The following TEPSIN variants were observed in gnomAD, a reference collection of about 807,000 sequenced individuals.
TEPSIN encodes the protein TEPSIN adaptor related protein complex 4 accessory protein, also known as AP-4 complex accessory subunit tepsin.
Under a neutral mutation model 48.5 loss-of-function variants are expected in TEPSIN, and 50 were observed. That is an observed-to-expected ratio of 1.03 (90% CI 0.82 to 1.31). TEPSIN has a LOEUF of 1.31. TEPSIN is among the 50% of genes most tolerant of loss of function. TEPSIN has a pLI of 0.00. For synonymous variants in TEPSIN, 392 were observed against 358.8 expected (o/e 1.09, Z -1.05); for missense variants, 838 against 815.9 (o/e 1.03, Z -0.33).
Position 81,231,352 on chromosome 17 carries a change from G to C in TEPSIN, c.1098+46C>G, listed in dbSNP as rs112298802. 4.0e-6 allele frequency: 6 copies of C among 1,482,544 alleles called. No homozygotes were observed. In the African/African-American group the frequency reaches 6.1e-5, roughly 15 times the overall value. 91.8% of individuals were successfully genotyped at this position (1,482,544 alleles called of 1,614,324 possible). A position where few individuals can be genotyped will look rare whatever the true frequency, so the allele number is the denominator to read the frequency against. On this transcript the variant is annotated intron_variant, in intron 11 of 12. Transcript: ENST00000637944. ...ACGCACACGCACACACACGCACACA[G>C]GCACATGCACACAGTCACGCCCTCC...
At chr17:81,236,850 C>T (rs1347648541) in intron 3 of TEPSIN, 49 bp from the exon 4 acceptor site, 8 of 1,545,516 alleles carry the variant, frequency 5.2e-6, no homozygotes, top group African/African-American at 1.4e-5. Context: ...ACACGGGACA[C>T]CCAGGGCAGG....
chr17:81,230,619 G>A lies in TEPSIN; in HGVS notation c.1158C>T (p.Ile386=), dbSNP rs756061786. 19 of 1,605,122 alleles carry A rather than the reference G, an allele frequency of 1.2e-5. No homozygotes were observed. In the South Asian group the frequency reaches 2.0e-4, roughly 17 times the overall value. Residue 386 remains isoleucine, a synonymous_variant, in exon 12 of 13, where the codon ATC becomes ATT. Coordinates refer to ENST00000637944, the MANE Select transcript of TEPSIN (RefSeq NM_001363764.2). The surrounding 1 kb of genome is among the most constrained non-coding windows in gnomAD (Gnocchi z 4.2). ...GSSDLLPQEH[I]LLRTRPWLQE... ...GCAGCCACGGCCGGGTGCGGAGGAGGATGTGCTCCTGGGGGAGGAGGTCGC... is the reference window on the plus strand; with the variant it reads ...GCAGCCACGGCCGGGTGCGGAGGAGAATGTGCTCCTGGGGGAGGAGGTCGC...
Position 81,234,199 on chromosome 17 carries a change from C to T in TEPSIN, c.308-151G>A. 1 of 590,214 alleles carries T rather than the reference C, an allele frequency of 1.7e-6. No individual in the cohort carries two copies. The highest frequency in any genetic ancestry group is 2.9e-6 in the Non-Finnish European group (1 of 345,650). 36.6% of individuals were successfully genotyped at this position (590,214 alleles called of 1,614,324 possible). A position where few individuals can be genotyped will look rare whatever the true frequency, so the allele number is the denominator to read the frequency against. On this transcript the variant is annotated intron_variant, in intron 4 of 12. Coordinates refer to ENST00000637944, the MANE Select transcript of TEPSIN (RefSeq NM_001363764.2). The surrounding 1 kb of genome is among the most constrained non-coding windows in gnomAD (Gnocchi z 5.4). ...CCAATGGGATGCCCTCCTCCAGGACCCTGCAGAGGCCACACCTGAGCAGAC... is the reference window on the plus strand; with the variant it reads ...CCAATGGGATGCCCTCCTCCAGGACTCTGCAGAGGCCACACCTGAGCAGAC...
At position 81,239,000 on chromosome 17, in the gene TEPSIN, T is replaced by G. The variant is rs563141884; in HGVS notation, c.34A>C (p.Ser12Arg). 1.3e-6 allele frequency: 2 copies of G among 1,486,974 alleles called. No homozygotes were observed. The highest frequency in any genetic ancestry group is 1.3e-5 in the South Asian group (1 of 78,398). The allele number at this position is 1,486,974 out of a possible 1,614,324, so 92.1% of individuals were successfully genotyped here. ...AAAPPLRDRL[S>R]FLHRLPILLK... The stretch of plus-strand genomic sequence containing the variant: ...CCCTCACTCACCCGGTGTAGAAAGC[T>G]CAGGCGGTCCCGTAGCGGCGGCGCG... The change falls in exon 1 of 13, where the codon AGC (serine) becomes CGC (arginine). Residue 12 changes from serine (S) to arginine (R), a missense_variant. By Grantham distance (110) the Ser-to-Arg change is moderately radical (BLOSUM62 -1). Transcript: ENST00000637944.
chr17:81,237,110 G>A, intron 2 of TEPSIN, 39 bp from the exon 3 acceptor site: 1 of 1,544,074 alleles, frequency 6.5e-7, no homozygotes, highest in Non-Finnish European at 8.8e-7. Flanking sequence ...GAGATGATGA[G>A]GGCTGCGCCA....
intron 1 of TEPSIN, chr17:81,237,993 C>T (rs921749411): frequency 2.0e-6 from 2 of 997,272 alleles, no homozygotes; most frequent in Admixed American, 5.2e-5. Flanking sequence ...TTGTTTCATG[C>T]TTACTTACTG....
At chr17:81,232,792 G>GGGGCTT in intron 7 of TEPSIN, 1 of 442,582 alleles carries the variant, frequency 2.3e-6, no homozygotes, top group Non-Finnish European at 4.0e-6. Context: ...GGTGTCCTAA[G>GGGGCTT]GGGCTTGGGC....
chr17:81,237,929 C>T (rs1388093795), intron 1 of TEPSIN: 1 of 992,110 alleles, frequency 1.0e-6, no homozygotes, highest in Non-Finnish European at 1.2e-6. Flanking sequence ...CATCGCTCCC[C>T]GAGAACCGAC....
rs1173230734 is a variant in TEPSIN at position 81,230,440 on chromosome 17, G to A, written c.1233+104C>T. ...AGGGACTTGAGAGGGGGTCCGGGAA[G>A]GGCTGACCAGGCGCCGGGCAGGGAC... On this transcript the variant is annotated intron_variant, in intron 12 of 12. Transcript: ENST00000637944. This position sits in a 1 kb window ranked among gnomAD's most constrained non-coding sequence, Gnocchi z 4.2. 2.0e-6 allele frequency: 3 copies of A among 1,502,252 alleles called. No homozygotes were observed. The highest frequency in any genetic ancestry group is 2.7e-6 in the Non-Finnish European group (3 of 1,115,936). The allele number at this position is 1,502,252 out of a possible 1,614,324, so 93.1% of individuals were successfully genotyped here.
At position 81,237,073 on chromosome 17, in the gene TEPSIN, T is replaced by C. The variant is rs1187051021; in HGVS notation, c.122-2A>G. 6.3e-7 allele frequency: 1 copy of C among 1,585,116 alleles called. No homozygotes were observed. The highest frequency in any genetic ancestry group is 8.6e-7 in the Non-Finnish European group (1 of 1,165,594). ...TGCCCGGAGACTCGTGGGAGATTTCTGCGGCACGCTCGGGTTAGGGAAGGG... is the reference window on the plus strand; with the variant it reads ...TGCCCGGAGACTCGTGGGAGATTTCCGCGGCACGCTCGGGTTAGGGAAGGG... On this transcript the variant is annotated splice_acceptor_variant, in intron 2 of 12. Coordinates refer to ENST00000637944, the MANE Select transcript of TEPSIN (RefSeq NM_001363764.2). LOFTEE classifies it high-confidence loss of function.
Position 81,231,838 on chromosome 17 carries a change from C to T in TEPSIN, c.905+9G>A, listed in dbSNP as rs1014863082. The T allele has an allele frequency of 2.5e-6, 4 of 1,612,536 alleles. No individual in the cohort carries two copies. The highest frequency in any genetic ancestry group is 1.7e-5 in the Admixed American group (1 of 60,014). ...GACCTCTCCCACATATCTGGCAGCT[C>T]CCGCTCACCTTTCTGCCAGGTCACC... On this transcript the variant is annotated intron_variant, in intron 9 of 12. Coordinates refer to ENST00000637944, the MANE Select transcript of TEPSIN (RefSeq NM_001363764.2).
chr17:81,232,821 G>C (rs1169214211), intron 7 of TEPSIN: 4 of 382,844 alleles, frequency 1.0e-5, no homozygotes, highest in African/African-American at 6.2e-5. Context: ...GGCTCAGGGA[G>C]GGTGTGTCCA....
chr17:81,233,725 G>T lies in TEPSIN; in HGVS notation c.376-9C>A, dbSNP rs1353213825. On this transcript the variant is annotated splice_polypyrimidine_tract_variant and intron_variant, in intron 5 of 12. Coordinates refer to ENST00000637944, the MANE Select transcript of TEPSIN (RefSeq NM_001363764.2). The surrounding 1 kb of genome is among the most constrained non-coding windows in gnomAD (Gnocchi z 5.8). ...AGGGTGCTCCCCAAGTCCTACAGGG[G>T]GAGGCGAAGGCCCTCAGTGTCCTCA... 4 of 1,588,646 alleles carry T rather than the reference G, an allele frequency of 2.5e-6. No homozygotes were observed. In the South Asian group the frequency reaches 4.6e-5, roughly 18 times the overall value.
rs2062769506 is a variant in TEPSIN at position 81,238,639 on chromosome 17, G to C, written c.48+347C>G. ...GGACGGCGGGCTGCCAGCCCACCTG[G>C]GCGCCAGCAGCACGGACACAGCGGC... On this transcript the variant is annotated intron_variant, in intron 1 of 12. Coordinates refer to ENST00000637944, the MANE Select transcript of TEPSIN (RefSeq NM_001363764.2). The C allele has an allele frequency of 2.6e-6, 3 of 1,146,518 alleles. No homozygotes were observed. In the East Asian group the frequency reaches 1.3e-4, roughly 50 times the overall value. 71.0% of individuals were successfully genotyped at this position (1,146,518 alleles called of 1,614,324 possible).
At position 81,230,836 on chromosome 17, in the gene TEPSIN, CT is replaced by C; in HGVS notation, c.1099-159del. 1 of 946,990 alleles carries C rather than the reference CT, an allele frequency of 1.1e-6. No individual in the cohort carries two copies. 58.7% of individuals were successfully genotyped at this position (946,990 alleles called of 1,614,324 possible). A position where few individuals can be genotyped will look rare whatever the true frequency, so the allele number is the denominator to read the frequency against. Reference sequence around the variant, plus strand: ...TCCACCACAGCCCTGTCCTCACCGCCTTACACCCCGGATCCCAGACACCACA... The same window carrying C: ...TCCACCACAGCCCTGTCCTCACCGCCTACACCCCGGATCCCAGACACCACA... On this transcript the variant is annotated intron_variant, in intron 11 of 12. Coordinates refer to ENST00000637944, the MANE Select transcript of TEPSIN (RefSeq NM_001363764.2). The surrounding 1 kb of genome is among the most constrained non-coding windows in gnomAD (Gnocchi z 4.2).
intron 11 of TEPSIN, 176 bp downstream of exon 11, chr17:81,231,222 C>T (rs988658529): frequency 1.0e-4 from 67 of 652,564 alleles, no homozygotes; most frequent in Non-Finnish European, 2.1e-5. Context: ...GGCATACATA[C>T]ACAGGCATAC....
chr17:81,233,428 T>A lies in TEPSIN; in HGVS notation c.526+4A>T, dbSNP rs2062659450. 6.2e-7 allele frequency: 1 copy of A among 1,609,938 alleles called. No homozygotes were observed. Among genetic ancestry groups the A allele is most frequent in the Non-Finnish European group, 8.5e-7 (1 of 1,179,372 alleles). On this transcript the variant is annotated splice_donor_region_variant and intron_variant, in intron 7 of 12. Transcript: ENST00000637944. The surrounding 1 kb of genome is among the most constrained non-coding windows in gnomAD (Gnocchi z 5.8). The stretch of plus-strand genomic sequence containing the variant: ...CAGAGCCCATGCAGGCCCTCCCCAC[T>A]CACCCGTGCGGCCGTGTTCCTTGCT...
rs2062670629 is a variant in TEPSIN, at chr17:81,233,825, C to T, written c.376-109G>A. 1.4e-6 allele frequency: 2 copies of T among 1,382,950 alleles called. No homozygotes were observed. Among genetic ancestry groups the T allele is most frequent in the East Asian group, 5.0e-5 (2 of 39,612 alleles). The allele number at this position is 1,382,950 out of a possible 1,614,324, so 85.7% of individuals were successfully genotyped here. On this transcript the variant is annotated intron_variant, in intron 5 of 12. Transcript: ENST00000637944. The surrounding 1 kb of genome is among the most constrained non-coding windows in gnomAD (Gnocchi z 5.8). The stretch of plus-strand genomic sequence containing the variant: ...TCCCCCGGACACTTCTCCTGAGCCA[C>T]TCAGCTGGACACAGGCTCTGTGTCC...
In TEPSIN at chr17:81,231,964, G is replaced by C; in HGVS notation, c.788C>G (p.Pro263Arg). Residue 263 changes from proline (P) to arginine (R), a missense_variant, in exon 9 of 13, where the codon CCC (proline) becomes CGC (arginine). Coordinates refer to ENST00000637944, the MANE Select transcript of TEPSIN (RefSeq NM_001363764.2). ...GGGWDELDSG[P>R]SSQNSSQNSD... is the part of the protein sequence containing the mutation. ...GTTCTGGGAGGAATTCTGAGAGCTG[G>C]GGCCGCTGTCCAGCTCATCCCAGCC... The C allele has an allele frequency of 6.2e-7, 1 of 1,613,190 alleles. No homozygotes were observed. Among genetic ancestry groups the C allele is most frequent in the Non-Finnish European group, 8.5e-7 (1 of 1,179,960 alleles).
Sources: allele counts gnomAD v4.1 joint callset, GRCh38; gene constraint gnomAD v4.1.1; non-coding constraint Gnocchi (gnomAD v3.1); transcripts MANE v1.5; gene names NCBI Gene and HGNC (gene_info 2026-07-23, HGNC 2026-07-21).